Variants in COPB2 observed in about 807,000 individuals in gnomAD.
COPB2 encodes the protein coat protein complex I subunit beta 2.
Under a neutral mutation model 120.8 loss-of-function variants are expected in COPB2, and 16 were observed. That is an observed-to-expected ratio of 0.13 (90% confidence interval 0.09 to 0.20). The LOEUF (loss-of-function observed/expected upper bound fraction) is 0.20, where lower values mean the gene tolerates loss of function less well. COPB2 is among the 10% of genes least tolerant of loss of function. COPB2 has a pLI of 1.00. For missense variants in COPB2, 794 were observed against 1,076.5 expected, an observed-to-expected ratio of 0.74 and a Z score of 3.67; for synonymous variants, 332 against 366.3, an observed-to-expected ratio of 0.91 and a Z score of 1.07.
At chr3:139,377,378 G>C (rs970115044) in intron 5 of COPB2, among the ~76,000 whole-genome samples, 14 of 152,224 alleles carry the variant, frequency 9.2e-5, no homozygotes, top group Admixed American at 2.0e-4. Flanking sequence ...AACCTTAAAA[G>C]CTGAGTAATT....
rs59409399 is a variant in COPB2 at position 139,374,298 on chromosome 3, CGATGAT to C, written c.751+185_751+190del. 3,029 of 489,932 alleles carry C rather than the reference CGATGAT, an allele frequency of 6.2e-3. 23 individuals are homozygous for C. The highest frequency in any genetic ancestry group is 8.3e-3 in the Non-Finnish European group (2,242 of 269,262). The allele number at this position is 489,932 out of a possible 1,614,324, so 30.3% of individuals were successfully genotyped here. A position where few individuals can be genotyped will look rare whatever the true frequency, so the allele number is the denominator to read the frequency against. ...GAATCAAAATACATGAGAATGATGA[CGATGAT>C]GATGATGATGATGATGATGATGATG... is the stretch of plus-strand genomic sequence containing the variant. On this transcript the variant is annotated intron_variant, in intron 7 of 21. Transcript: ENST00000333188.
Position 139,361,126 on chromosome 3 carries a change from T to A in COPB2, c.2165A>T (p.Asp722Val). 2 of 1,614,226 alleles carry A rather than the reference T, an allele frequency of 1.2e-6. No individual in the cohort carries two copies. The highest frequency in any genetic ancestry group is 1.7e-6 in the Non-Finnish European group (2 of 1,180,030). Residue 722 changes from aspartate (D) to valine (V), a missense_variant, in exon 17 of 22, where the codon GAT becomes GTT. Around this residue, in one of 3 missense-constraint regions of COPB2, gnomAD observed 610 missense variants for 866.7 expected, o/e 0.70. Transcript: ENST00000333188. Reference sequence around the variant, plus strand: ...CATGAATGCCACATTATTTTTGCCATCTCTCTCCGCACCCTCTGCTAGCTT... The same window carrying A: ...CATGAATGCCACATTATTTTTGCCAACTCTCTCCGCACCCTCTGCTAGCTT... ...VNKLAEGAER[D>V]GKNNVAFMSY...
At chr3:139,366,276 A>C (rs1278807890) in intron 15 of COPB2, among the ~76,000 whole-genome samples, 1 of 152,154 alleles carries the variant, frequency 6.6e-6, no homozygotes, top group Non-Finnish European at 1.5e-5. Context: ...AGATGGGATA[A>C]AGCTAAAAAT....
Position 139,378,065 on chromosome 3 carries a change from A to G in COPB2, c.480T>C (p.Ser160=). The change falls in exon 5 of 22, where the codon AGT becomes AGC. Residue 160 remains serine (S), a synonymous_variant. Coordinates refer to ENST00000333188, the MANE Select transcript of COPB2 (RefSeq NM_004766.3). ...CCTTGATAGTCCTGTCCAAAGAGGC[A>G]CTGGCAAACTGATTGTTATCTTTGG... ...INPKDNNQFA[S]ASLDRTIKVW... is the part of the protein sequence containing the mutation. The G allele has an allele frequency of 6.4e-7, 1 of 1,572,270 alleles. No homozygotes were observed. Among genetic ancestry groups the G allele is most frequent in the Non-Finnish European group, 8.7e-7 (1 of 1,149,924 alleles).
chr3:139,380,694 A>G (rs1007264797), intron 2 of COPB2: 2 of 152,262 alleles, frequency 1.3e-5, no homozygotes, highest in African/African-American at 2.4e-5. Flanking sequence ...GGACCGGTTC[A>G]TAAGAACTGT....
intron 2 of COPB2, chr3:139,382,847 C>A: frequency 5.8e-6 from 1 of 173,310 alleles, no homozygotes. Flanking sequence ...TGTGTATAAT[C>A]AAAAGCTGAC....
Position 139,375,546 on chromosome 3 carries a change from A to G in COPB2, c.573T>C (p.Ile191=). The change falls in exon 6 of 22, where the codon ATT becomes ATC. Residue 191 remains isoleucine (I), a synonymous_variant. Coordinates refer to ENST00000333188, the MANE Select transcript of COPB2 (RefSeq NM_004766.3). ...GCTTGTCCCCACCACTGTAGTAATC[A>G]ATGCAATTCACGCCTTTCTCATGTC... ...LEGHEKGVNC[I]DYYSGGDKPY... is the part of the protein sequence containing the mutation. The G allele has an allele frequency of 1.2e-6, 2 of 1,614,148 alleles. No homozygotes were observed. Among genetic ancestry groups the G allele is most frequent in the Non-Finnish European group, 1.7e-6 (2 of 1,179,992 alleles).
chr3:139,381,978 A>C (rs1322648078), intron 2 of COPB2: 1 of 152,232 alleles, frequency 6.6e-6, no homozygotes, highest in Non-Finnish European at 1.5e-5. Flanking sequence ...AGAGAACACA[A>C]ATACTGAACT....
chr3:139,378,240 A>AT lies in COPB2; in HGVS notation c.356-52dup, dbSNP rs755082509. Reference sequence around the variant, plus strand: ...AGTTGTAATTCTATTTTTTCACTTCATAACTAAGACACAGTCTTTAGAAGA... The same window carrying AT: ...AGTTGTAATTCTATTTTTTCACTTCATTAACTAAGACACAGTCTTTAGAAGA... On this transcript the variant is annotated intron_variant, in intron 4 of 21. Coordinates refer to ENST00000333188, the MANE Select transcript of COPB2 (RefSeq NM_004766.3). 1.8e-5 allele frequency: 26 copies of AT among 1,483,850 alleles called. No individual in the cohort carries two copies. In the African/African-American group the frequency reaches 3.0e-4, roughly 17 times the overall value. The allele number at this position is 1,483,850 out of a possible 1,614,324, so 91.9% of individuals were successfully genotyped here.
rs767028870 is a variant in COPB2, at chr3:139,375,588, T to C, written c.531A>G (p.Pro177=). ...IKVWQLGSSS[P]NFTLEGHEKG... ...TCTCATGTCCTTCCAAAGTGAAGTTTGGTGACGAAGAGCCCAACTGCCACA... is the reference window on the plus strand; with the variant it reads ...TCTCATGTCCTTCCAAAGTGAAGTTCGGTGACGAAGAGCCCAACTGCCACA... The change falls in exon 6 of 22, where the codon CCA becomes CCG. Residue 177 remains proline, a synonymous_variant. Coordinates refer to ENST00000333188, the MANE Select transcript of COPB2 (RefSeq NM_004766.3). 1.9e-6 allele frequency: 3 copies of C among 1,614,072 alleles called. No homozygotes were observed. The highest frequency in any genetic ancestry group is 2.5e-6 in the Non-Finnish European group (3 of 1,179,962).
intron 2 of COPB2, chr3:139,382,877 T>A (rs1244923017): frequency 5.8e-6 from 1 of 171,488 alleles, no homozygotes; most frequent in East Asian, 1.7e-4. Flanking sequence ...TTCCCTGATA[T>A]AATCTATATG....
chr3:139,387,773 A>C (rs556895519), intron 1 of COPB2, among the ~76,000 whole-genome samples: 1 of 152,318 alleles, frequency 6.6e-6, no homozygotes, highest in South Asian at 2.1e-4. Context: ...TAGTGGGCAA[A>C]TTTACTTAAC....
In COPB2 at chr3:139,359,111, G is replaced by A. The variant is rs745473542; in HGVS notation, c.2371C>T (p.Pro791Ser). Residue 791 changes from proline to serine, a missense_variant, in exon 19 of 22, where the codon CCA becomes TCA. Pro to Ser is a moderately conservative substitution (Grantham distance 74). Transcript: ENST00000333188. ...GGGAACAGGTTTTCATACTCTGTTG[G>A]GTCAGCAAGGGATTCTGCTGCTTTC... ...NQKAAESLADPTEYENLFPGL... is the reference protein window; with the variant it reads ...NQKAAESLADSTEYENLFPGL... The A allele has an allele frequency of 1.2e-6, 2 of 1,614,020 alleles. No homozygotes were observed. Among genetic ancestry groups the A allele is most frequent in the Non-Finnish European group, 1.7e-6 (2 of 1,179,988 alleles).
chr3:139,365,193 TAATGAAA>T (rs1416435040), intron 15 of COPB2, among the ~76,000 whole-genome samples: 1 of 152,134 alleles, frequency 6.6e-6, no homozygotes, highest in Non-Finnish European at 1.5e-5. Context: ...CTGGCAGAAT[TAATGAAA>T]ACTGATTCCT....
At chr3:139,358,885 C>T in intron 19 of COPB2, 73 bp from the exon 20 acceptor site, 1 of 1,559,596 alleles carries the variant, frequency 6.4e-7, no homozygotes, top group Non-Finnish European at 8.8e-7. Flanking sequence ...TGGCCTAAAT[C>T]CCAGATATCA....
chr3:139,387,242 G>C (rs1320570117), intron 1 of COPB2, among the ~76,000 whole-genome samples: 2 of 148,444 alleles, frequency 1.3e-5, no homozygotes, highest in Non-Finnish European at 3.0e-5. Context: ...AAGGAAAGAA[G>C]GAAGTAAGGA....
Position 139,357,500 on chromosome 3 carries a change from G to A in COPB2, c.*363C>T. On this transcript the variant is annotated 3_prime_UTR_variant, in exon 22 of 22. Transcript: ENST00000333188. Reference sequence around the variant, plus strand: ...TTAGTTATACAAAGAAAAGACAGTGGGGCTGATCCCTAGGCAAGGTGTAGT... The same window carrying A: ...TTAGTTATACAAAGAAAAGACAGTGAGGCTGATCCCTAGGCAAGGTGTAGT... The A allele has an allele frequency of 5.0e-6, 1 of 198,436 alleles. No homozygotes were observed. The highest frequency in any genetic ancestry group is 1.0e-5 in the Non-Finnish European group (1 of 99,032). The allele number at this position is 198,436 out of a possible 1,614,324, so 12.3% of individuals were successfully genotyped here. A position where few individuals can be genotyped will look rare whatever the true frequency, so the allele number is the denominator to read the frequency against.
chr3:139,387,672 T>C (rs1385655938), intron 1 of COPB2, among the ~76,000 whole-genome samples: 4 of 152,120 alleles, frequency 2.6e-5, no homozygotes, highest in East Asian at 1.9e-4. Context: ...TATATTTGAG[T>C]ATGGGGGTTT....
At chr3:139,358,700 T>G (rs751554832) in intron 20 of COPB2, 44 bp downstream of exon 20, 360 of 1,328,888 alleles carry the variant, frequency 2.7e-4, no homozygotes, top group South Asian at 1.7e-3. Context: ...AAAAAAAAAG[T>G]GAACCATCTC....
Sources: allele counts gnomAD v4.1 joint callset (sites outside exome capture counted in the v4.1 genomes callset), GRCh38; gene constraint gnomAD v4.1.1; regional missense constraint gnomAD v4.1.1; transcripts MANE v1.5; gene names NCBI Gene and HGNC (gene_info 2026-07-23, HGNC 2026-07-21).